Variants in DNAH11 observed in about 807,000 individuals in gnomAD.
DNAH11 encodes the protein axonemal beta dynein heavy chain 11.
Under a neutral mutation model 526.0 loss-of-function variants are expected in DNAH11, and 442 were observed. The observed-to-expected ratio is 0.84, with a 90% CI of 0.78 to 0.91. DNAH11 has a LOEUF of 0.91. DNAH11 is among the 40% of genes least tolerant of loss of function. DNAH11 has a pLI of 0.00. For synonymous variants in DNAH11, 2,461 were observed against 1,935.9 expected (o/e 1.27, Z -7.12); for missense variants, 6,989 against 5,448.7 (o/e 1.28, Z -8.90).
intron 73 of DNAH11, among the ~76,000 whole-genome samples, chr7:21,872,521 A>G (rs1008687457): frequency 2.0e-5 from 3 of 152,206 alleles, no homozygotes; most frequent in African/African-American, 7.2e-5. Flanking sequence ...GGACTTCTCC[A>G]AAGCCAGAGA....
intron 77 of DNAH11, among the ~76,000 whole-genome samples, chr7:21,893,880 C>G (rs1453646241): frequency 3.3e-5 from 5 of 152,070 alleles, no homozygotes; most frequent in Admixed American, 3.3e-4. Flanking sequence ...GGTTATGTGA[C>G]TTTTATTCTA....
intron 74 of DNAH11, among the ~76,000 whole-genome samples, chr7:21,877,185 A>C (rs1050048869): frequency 6.6e-6 from 1 of 152,190 alleles, no homozygotes; most frequent in Non-Finnish European, 1.5e-5. Flanking sequence ...TAGACAAGTC[A>C]ACTGTACTGC....
intron 3 of DNAH11, 114 bp downstream of exon 3, chr7:21,559,112 C>T: frequency 1.2e-6 from 1 of 840,948 alleles, no homozygotes; most frequent in Non-Finnish European, 1.8e-6. Context: ...TTGCTTGATC[C>T]CAGGAGTTCA....
intron 51 of DNAH11, 83 bp downstream of exon 51, chr7:21,745,146 T>C (rs1786088958): frequency 1.4e-6 from 2 of 1,389,450 alleles, no homozygotes; most frequent in African/African-American, 1.4e-5. Flanking sequence ...TAGATCATAC[T>C]AAGCACTCTG....
At chr7:21,787,700 G>A (rs1788253023) in intron 60 of DNAH11, 117 bp downstream of exon 60, 4 of 870,718 alleles carry the variant, frequency 4.6e-6, no homozygotes, top group Non-Finnish European at 6.6e-6. Flanking sequence ...ATAAGGATAT[G>A]TAGTTCTAAG....
chr7:21,682,308 C>G (rs907147322), intron 31 of DNAH11, among the ~76,000 whole-genome samples: 2 of 151,970 alleles, frequency 1.3e-5, no homozygotes, highest in Non-Finnish European at 2.9e-5. Context: ...AGGCAGATCA[C>G]GAGGTCAGGA....
chr7:21,843,922 G>C (rs79672489), intron 66 of DNAH11, among the ~76,000 whole-genome samples: 1,614 of 152,256 alleles, frequency 0.011, 27 homozygotes, highest in African/African-American at 0.037. Flanking sequence ...ATTAAAACAA[G>C]GATTTATATT....
intron 40 of DNAH11, among the ~76,000 whole-genome samples, chr7:21,709,566 G>C (rs983657780): frequency 6.6e-6 from 1 of 152,142 alleles, no homozygotes; most frequent in African/African-American, 2.4e-5. Context: ...TGTATCATCT[G>C]AACCTAAAAT....
intron 28 of DNAH11, among the ~76,000 whole-genome samples, chr7:21,651,641 G>C (rs1781776322): frequency 6.6e-6 from 1 of 152,172 alleles, no homozygotes; most frequent in South Asian, 2.1e-4. Context: ...CTTACAATTA[G>C]ATAAATGTAA....
Position 21,588,098 on chromosome 7 carries a change from C to T in DNAH11, c.1745C>T (p.Pro582Leu). ...LTIFGNFLEK[P>L]VVMEIFSLHY... ...ATATTTGGAAATTTTCTAGAGAAGC[C>T]AGTTGTCATGGAAATTTTCAGCCTA... Residue 582 changes from proline (P) to leucine (L), a missense_variant, in exon 10 of 82, where the codon CCA becomes CTA. Transcript: ENST00000409508. The T allele has an allele frequency of 1.4e-5, 23 of 1,613,290 alleles. No individual in the cohort carries two copies. Among genetic ancestry groups the T allele is most frequent in the Non-Finnish European group, 1.9e-5 (22 of 1,179,638 alleles).
chr7:21,724,898 C>T (rs551364055), intron 44 of DNAH11, among the ~76,000 whole-genome samples: 20 of 151,842 alleles, frequency 1.3e-4, no homozygotes, highest in Admixed American at 5.9e-4. Flanking sequence ...CCAGATTATC[C>T]TATGGATATA....
At chr7:21,759,805 C>T (rs561257544) in intron 54 of DNAH11, among the ~76,000 whole-genome samples, 17 of 152,064 alleles carry the variant, frequency 1.1e-4, no homozygotes, top group South Asian at 6.2e-4. Flanking sequence ...CTAAAAGAAA[C>T]GAAAACATAT....
chr7:21,637,831 A>G (rs1257570972), intron 27 of DNAH11, 129 bp downstream of exon 27: 2 of 528,486 alleles, frequency 3.8e-6, no homozygotes, highest in Non-Finnish European at 3.2e-6. Flanking sequence ...AATTTTGCTT[A>G]TAATTATCTA....
intron 54 of DNAH11, among the ~76,000 whole-genome samples, chr7:21,762,031 T>C (rs896887689): frequency 7.9e-5 from 12 of 152,114 alleles, no homozygotes; most frequent in African/African-American, 2.9e-4. Flanking sequence ...CTGAAGTGCA[T>C]GCAGGGGAAA....
intron 73 of DNAH11, among the ~76,000 whole-genome samples, chr7:21,872,748 G>A (rs1295296964): frequency 6.6e-6 from 1 of 152,206 alleles, no homozygotes; most frequent in Non-Finnish European, 1.5e-5. Flanking sequence ...TCTTAACAAT[G>A]AATGATTGCT....
chr7:21,841,169 G>C (rs528380222), intron 65 of DNAH11, among the ~76,000 whole-genome samples: 2 of 152,120 alleles, frequency 1.3e-5, no homozygotes, highest in Non-Finnish European at 2.9e-5. Flanking sequence ...GGGTGAAGGA[G>C]TGAGACACTG....
In DNAH11 at chr7:21,750,251, G is replaced by A. The variant is rs768863196; in HGVS notation, c.8827G>A (p.Asp2943Asn). 6.2e-7 allele frequency: 1 copy of A among 1,606,434 alleles called. No homozygotes were observed. The highest frequency in any genetic ancestry group is 1.1e-5 in the South Asian group (1 of 89,080). ...AATCCCAGATCTGTTCAGCGATGAA[G>A]ATGTGGACAAGATAATTTCTGGAAT... Reference protein sequence around the residue: ...GEIPDLFSDEDVDKIISGIHN... With the variant: ...GEIPDLFSDENVDKIISGIHN... Residue 2943 changes from aspartate (D) to asparagine (N), a missense_variant, in exon 54 of 82, where the codon GAT becomes AAT. Physicochemically the swap from Asp to Asn is conservative, Grantham distance 23. Coordinates refer to ENST00000409508, the MANE Select transcript of DNAH11 (RefSeq NM_001277115.2).
At chr7:21,773,678 A>G (rs1583680162) in intron 55 of DNAH11, 88 bp from the exon 56 acceptor site, 7 of 999,420 alleles carry the variant, frequency 7.0e-6, no homozygotes, top group African/African-American at 3.7e-5. Context: ...TGACTTTTAG[A>G]AAAAAAATGA....
chr7:21,866,741 G>A, intron 71 of DNAH11, 78 bp downstream of exon 71: 1 of 1,423,484 alleles, frequency 7.0e-7, no homozygotes, highest in Non-Finnish European at 9.4e-7. Flanking sequence ...GGAGGATCTG[G>A]TGGAAGTGTT....
Sources: gnomAD v4.1 joint callset for allele counts (sites outside exome capture counted in the v4.1 genomes callset) on GRCh38, gnomAD v4.1.1 for gene constraint, MANE v1.5 for transcripts, NCBI Gene and HGNC (gene_info 2026-07-23, HGNC 2026-07-21) for gene names.